Variants in TEX36 observed in about 807,000 individuals in gnomAD.
TEX36 encodes testis-expressed protein 36.
A neutral mutation model predicts 13.6 loss-of-function variants in TEX36; 12 were observed. The ratio of observed to expected loss-of-function variants is 0.88; its 90% CI spans 0.56 to 1.43. The LOEUF (loss-of-function observed/expected upper bound fraction) is 1.43. Ranked by LOEUF, TEX36 falls within the 40% of genes most tolerant of loss-of-function variation. The pLI is 0.00. For synonymous variants in TEX36, 93 were observed against 83.0 expected, an observed-to-expected ratio of 1.12 and a Z score of -0.65; for missense variants, 224 against 228.3, an observed-to-expected ratio of 0.98 and a Z score of 0.12.
chr10:125,649,282 G>A (rs1846817853), intron 3 of TEX36, among the ~76,000 whole-genome samples: 1 of 152,220 alleles, frequency 6.6e-6, no homozygotes, highest in Non-Finnish European at 1.5e-5. Context: ...ACAAAGGGAA[G>A]CCCATCAGAC....
intron 3 of TEX36, among the ~76,000 whole-genome samples, chr10:125,644,807 G>GT (rs1160124050): frequency 2.0e-5 from 3 of 152,162 alleles, no homozygotes; most frequent in African/African-American, 7.2e-5. Flanking sequence ...AAATATGAAG[G>GT]TTATCCTGGT....
At chr10:125,660,097 C>A (rs1410594176) in intron 3 of TEX36, among the ~76,000 whole-genome samples, 1 of 152,108 alleles carries the variant, frequency 6.6e-6, no homozygotes, top group Non-Finnish European at 1.5e-5. Flanking sequence ...GTTGAATGGG[C>A]AATTTGGAGA....
intron 1 of TEX36, among the ~76,000 whole-genome samples, chr10:125,669,756 C>T (rs1036484241): frequency 2.2e-4 from 33 of 152,238 alleles, no homozygotes; most frequent in African/African-American, 7.7e-4. Flanking sequence ...CCTCCCACAC[C>T]CCCCGTAACA....
rs1847013122 is a variant in TEX36 at position 125,660,285 on chromosome 10, T to C, written c.264+736A>G. ...GACAACAGGCATGCACCACCACACC[T>C]GGTTAATTTTTTAATGTTTTGTAGA... On this transcript the variant is annotated intron_variant, in intron 3 of 3. Coordinates refer to ENST00000368821, the MANE Select transcript of TEX36 (RefSeq NM_001128202.3). Among the ~76,000 whole-genome samples the C allele has an allele frequency of 3.3e-5, 5 of 151,986 alleles. No individual in the cohort carries two copies. The South Asian group carries it at 1.0e-3, about 32-fold the overall frequency.
intron 3 of TEX36, among the ~76,000 whole-genome samples, chr10:125,605,783 G>A (rs1246799133): frequency 1.3e-5 from 2 of 152,128 alleles, no homozygotes; most frequent in East Asian, 3.9e-4. Context: ...TATATTTTTA[G>A]TAGAGACGGG....
rs145927403 is a variant in TEX36 at position 125,632,837 on chromosome 10, C to T, written c.265-11192G>A. 3.1e-3 allele frequency among the ~76,000 whole-genome samples: 466 copies of T among 152,240 alleles called. 1 individual carries two copies. Among genetic ancestry groups the T allele is most frequent in the African/African-American group, 0.011 (449 of 41,544 alleles). On this transcript the variant is annotated intron_variant, in intron 3 of 3. Transcript: ENST00000526819. The stretch of plus-strand genomic sequence containing the variant: ...ATTTTCTTACCAAAGATCAGAATTA[C>T]ATGCACACTGGCCAGGTGTGGTTCC...
intron 3 of TEX36, chr10:125,576,967 C>T: frequency 1.3e-6 from 2 of 1,488,286 alleles, no homozygotes; most frequent in African/African-American, 2.8e-5. Context: ...GCCTTATTCT[C>T]CCTGCCCAAG....
At chr10:125,620,018 C>A (rs1296962635), downstream of TEX36, among the ~76,000 whole-genome samples, 1 of 151,968 alleles carries the variant, frequency 6.6e-6, no homozygotes, top group Non-Finnish European at 1.5e-5. Context: ...CATCTTGTAC[C>A]TAAGCATTCT....
intron 3 of TEX36, among the ~76,000 whole-genome samples, chr10:125,584,508 G>A (rs887020095): frequency 1.3e-5 from 2 of 152,206 alleles, no homozygotes; most frequent in African/African-American, 4.8e-5. Flanking sequence ...GATCTGAAAT[G>A]CATCTTCTAC....
chr10:125,585,770 T>C (rs1236629276), intron 3 of TEX36, among the ~76,000 whole-genome samples: 2 of 152,258 alleles, frequency 1.3e-5, no homozygotes, highest in Non-Finnish European at 2.9e-5. Flanking sequence ...AGACTTCGCA[T>C]CAAAATCCAT....
At chr10:125,577,572 G>C (rs1845839247) in intron 3 of TEX36, among the ~76,000 whole-genome samples, 1 of 152,212 alleles carries the variant, frequency 6.6e-6, no homozygotes, top group Non-Finnish European at 1.5e-5. Context: ...AATTTAAAAT[G>C]TGGAGTGAAA....
intron 3 of TEX36, among the ~76,000 whole-genome samples, chr10:125,585,935 C>T (rs1845941262): frequency 6.6e-6 from 1 of 152,220 alleles, no homozygotes; most frequent in Non-Finnish European, 1.5e-5. Context: ...GGTTTGGAAA[C>T]TTCCCTGCCC....
intron 3 of TEX36, among the ~76,000 whole-genome samples, chr10:125,589,751 C>T (rs1365215979): frequency 3.3e-5 from 5 of 152,150 alleles, no homozygotes; most frequent in African/African-American, 1.2e-4. Flanking sequence ...ATTTCTGCAT[C>T]TCTTATGTAT....
chr10:125,682,826 G>T, intron 1 of TEX36, 113 bp downstream of exon 1: 1 of 1,188,398 alleles, frequency 8.4e-7, no homozygotes, highest in Non-Finnish European at 1.2e-6. Flanking sequence ...AAAGTGAAGT[G>T]ATTTGTCAAA....
intron 3 of TEX36, among the ~76,000 whole-genome samples, chr10:125,649,211 A>C (rs1421149722): frequency 6.6e-6 from 1 of 152,218 alleles, no homozygotes. Flanking sequence ...TGTCAGATTC[A>C]CCAAAGTTGA....
At chr10:125,619,993 A>G (rs532902171), downstream of TEX36, among the ~76,000 whole-genome samples, 3 of 152,260 alleles carry the variant, frequency 2.0e-5, 1 homozygote, top group East Asian at 3.9e-4. Flanking sequence ...ATTTATTAGT[A>G]GCTACATAAT....
intron 3 of TEX36, among the ~76,000 whole-genome samples, chr10:125,585,377 C>A (rs749433693): frequency 1.3e-5 from 2 of 152,150 alleles, no homozygotes; most frequent in African/African-American, 2.4e-5. Context: ...AAGTATGGCA[C>A]GTTGGTGTGC....
rs188575234 is a variant in TEX36, at chr10:125,587,983, T to A, written c.265-11109A>T. ...TTCCTTTTTTTGTTTTTTAACTAGA[T>A]TCTCCATCTGGTGTGGATACCATAA... On this transcript the variant is annotated intron_variant, in intron 3 of 3. Coordinates refer to the TEX36 transcript ENST00000532135. Among the ~76,000 whole-genome samples the A allele has an allele frequency of 3.9e-5, 6 of 152,296 alleles. No individual in the cohort carries two copies. The East Asian group carries it at 7.7e-4, about 20-fold the overall frequency.
At chr10:125,616,789 T>C (rs1174558074), downstream of TEX36, among the ~76,000 whole-genome samples, 2 of 135,388 alleles carry the variant, frequency 1.5e-5, no homozygotes, top group Non-Finnish European at 1.6e-5. Context: ...GTTCTGTAGA[T>C]GTCTATTAGG....
Sources: allele counts gnomAD v4.1 joint callset (sites outside exome capture counted in the v4.1 genomes callset), GRCh38; gene constraint gnomAD v4.1.1; transcripts MANE v1.5; gene names NCBI Gene and HGNC (gene_info 2026-07-23, HGNC 2026-07-21).